The following BBX variants were observed in gnomAD, a reference collection of about 807,000 sequenced individuals.
The protein encoded by BBX is BBX high mobility group box domain containing.
A neutral mutation model predicts 100.2 loss-of-function variants in BBX; 30 were observed. The ratio of observed to expected loss-of-function variants is 0.30; its 90% CI spans 0.22 to 0.41. The LOEUF is 0.41. Ranked by LOEUF, BBX falls within the 10% of genes least tolerant of loss-of-function variation. BBX has a pLI of 1.00. For missense variants in BBX, 1,023 were observed against 1,129.8 expected, an observed-to-expected ratio of 0.91 and a Z score of 1.35; for synonymous variants, 376 against 388.1, an observed-to-expected ratio of 0.97 and a Z score of 0.37.
intron 2 of BBX, among the ~76,000 whole-genome samples, chr3:107,536,377 G>A (rs2048492103): frequency 6.6e-6 from 1 of 152,052 alleles, no homozygotes; most frequent in South Asian, 2.1e-4. Flanking sequence ...TTTAAAACTG[G>A]CTTTTCTTTT....
intron 10 of BBX, among the ~76,000 whole-genome samples, chr3:107,755,928 G>T (rs914790916): frequency 6.6e-6 from 1 of 152,098 alleles, no homozygotes; most frequent in Non-Finnish European, 1.5e-5. Flanking sequence ...TTAAAATAAG[G>T]TTACTTAGAT....
At chr3:107,562,432 T>A (rs1167977293) in intron 2 of BBX, among the ~76,000 whole-genome samples, 3 of 152,208 alleles carry the variant, frequency 2.0e-5, no homozygotes, top group Admixed American at 6.5e-5. Flanking sequence ...ATTTATTTAA[T>A]GTGCTTTTTT....
chr3:107,612,158 A>G (rs1376410180), intron 2 of BBX, among the ~76,000 whole-genome samples: 1 of 151,098 alleles, frequency 6.6e-6, no homozygotes, highest in Non-Finnish European at 1.5e-5. Flanking sequence ...TTTCCTCAAA[A>G]CAGATATTTT....
intron 15 of BBX, among the ~76,000 whole-genome samples, chr3:107,796,043 TA>T (rs1479134249): frequency 6.6e-5 from 10 of 152,168 alleles, no homozygotes; most frequent in African/African-American, 1.7e-4. Context: ...GATGGTAGCC[TA>T]TGTAGCAAAG....
rs372099201 is a variant in BBX, at chr3:107,575,702, A to G, written c.-84+49304A>G. Among the ~76,000 whole-genome samples, 132 of 152,294 alleles carry G rather than the reference A, an allele frequency of 8.7e-4. 4 individuals carry two copies. The South Asian group carries it at 0.027, about 31-fold the overall frequency. Reference sequence around the variant, plus strand: ...TAACAATATCTGATGATGTAATACCAGACATTCTACTCATTTCCTCGGGTA... The same window carrying G: ...TAACAATATCTGATGATGTAATACCGGACATTCTACTCATTTCCTCGGGTA... On this transcript the variant is annotated intron_variant, in intron 2 of 17. Coordinates refer to ENST00000325805, the MANE Select transcript of BBX (RefSeq NM_001142568.3).
chr3:107,760,571 G>C (rs1406381008), intron 10 of BBX, among the ~76,000 whole-genome samples: 3 of 152,172 alleles, frequency 2.0e-5, no homozygotes, highest in Non-Finnish European at 2.9e-5. Flanking sequence ...GAAATAAAGA[G>C]TGCAAGTGAT....
At chr3:107,615,388 C>T (rs1174405946) in intron 2 of BBX, among the ~76,000 whole-genome samples, 1 of 152,158 alleles carries the variant, frequency 6.6e-6, no homozygotes, top group Non-Finnish European at 1.5e-5. Flanking sequence ...ATTAATTTCT[C>T]ATACTTCTGG....
intron 15 of BBX, among the ~76,000 whole-genome samples, chr3:107,797,337 A>ATATATATATATATATAT (rs2069789795): frequency 3.8e-4 from 15 of 39,346 alleles, no homozygotes; most frequent in African/African-American, 6.8e-4. Flanking sequence ...TTTTCTTCCA[A>ATATATATATATATATAT]ATATATATAT....
chr3:107,687,753 A>C (rs1424180067), intron 3 of BBX, among the ~76,000 whole-genome samples: 1 of 152,192 alleles, frequency 6.6e-6, no homozygotes, highest in Non-Finnish European at 1.5e-5. Flanking sequence ...ACAGAAAATG[A>C]ATATGGAAAG....
intron 2 of BBX, among the ~76,000 whole-genome samples, chr3:107,584,221 A>G (rs191832862): frequency 1.7e-3 from 141 of 82,180 alleles, no homozygotes; most frequent in Middle Eastern, 6.2e-3. Flanking sequence ...TATATTATAT[A>G]TAATATGTAT....
chr3:107,551,152 T>C (rs1298647667), intron 2 of BBX, among the ~76,000 whole-genome samples: 1 of 152,234 alleles, frequency 6.6e-6, no homozygotes, highest in African/African-American at 2.4e-5. Flanking sequence ...ACTGTAAATA[T>C]ATTTTTATAG....
At chr3:107,585,061 A>G (rs1025803916) in intron 2 of BBX, among the ~76,000 whole-genome samples, 2 of 152,160 alleles carry the variant, frequency 1.3e-5, no homozygotes, top group African/African-American at 4.8e-5. Context: ...GATCCAGTTC[A>G]GTGGCATGAA....
rs148904261 is a variant in BBX at position 107,769,207 on chromosome 3, T to C, written c.907-3421T>C. Among the ~76,000 whole-genome samples the C allele has an allele frequency of 3.2e-3, 440 of 137,774 alleles. 4 individuals are homozygous for C. The highest frequency in any genetic ancestry group is 5.2e-3 in the Non-Finnish European group (328 of 62,808). The allele number at this position is 137,774 out of a possible 152,430, so 90.4% of individuals were successfully genotyped here. A position where few individuals can be genotyped will look rare whatever the true frequency, so the allele number is the denominator to read the frequency against. On this transcript the variant is annotated intron_variant, in intron 10 of 17. Coordinates refer to ENST00000325805, the MANE Select transcript of BBX (RefSeq NM_001142568.3). ...ATAGATAGATAGATAGATAGATAGA[T>C]AGATAGATAGATAGATAGATAGACA...
At chr3:107,699,547 A>G (rs543995025) in intron 3 of BBX, among the ~76,000 whole-genome samples, 3 of 152,042 alleles carry the variant, frequency 2.0e-5, no homozygotes, top group South Asian at 4.1e-4. Context: ...CAGCAAAGCT[A>G]TAGGTAAGAA....
At chr3:107,616,376 A>G (rs2055282618) in intron 2 of BBX, among the ~76,000 whole-genome samples, 1 of 152,132 alleles carries the variant, frequency 6.6e-6, no homozygotes, top group Non-Finnish European at 1.5e-5. Flanking sequence ...TGTAATACAG[A>G]GAGATCCCAC....
At chr3:107,666,020 A>C (rs979113311) in intron 3 of BBX, among the ~76,000 whole-genome samples, 1 of 152,150 alleles carries the variant, frequency 6.6e-6, no homozygotes, top group Non-Finnish European at 1.5e-5. Flanking sequence ...TAACTATTGC[A>C]GGGAATTGCT....
At chr3:107,746,961 G>A (rs996601749) in intron 8 of BBX, among the ~76,000 whole-genome samples, 2 of 152,064 alleles carry the variant, frequency 1.3e-5, no homozygotes, top group African/African-American at 4.8e-5. Context: ...ATTGGGAATG[G>A]GCTGAAGTTA....
intron 10 of BBX, among the ~76,000 whole-genome samples, chr3:107,767,923 A>G (rs947822567): frequency 6.6e-6 from 1 of 152,150 alleles, no homozygotes; most frequent in Non-Finnish European, 1.5e-5. Context: ...TCAAGAGGGA[A>G]CTGGTAAAGA....
At chr3:107,747,228 AGTGTGT>A (rs148845246) in intron 8 of BBX, among the ~76,000 whole-genome samples, 63 of 148,188 alleles carry the variant, frequency 4.3e-4, no homozygotes, top group African/African-American at 1.5e-3. Flanking sequence ...CTAACGTGTG[AGTGTGT>A]GTGTGTGTGT....
Sources: gnomAD v4.1 joint callset for allele counts (sites outside exome capture counted in the v4.1 genomes callset) on GRCh38, gnomAD v4.1.1 for gene constraint, MANE v1.5 for transcripts, NCBI Gene and HGNC (gene_info 2026-07-23, HGNC 2026-07-21) for gene names.